The following PCSK5 variants were observed in gnomAD, a reference collection of about 807,000 sequenced individuals.
PCSK5 encodes the protein prohormone convertase 5.
A neutral mutation model predicts 233.2 loss-of-function variants in PCSK5; 129 were observed. The ratio of observed to expected loss-of-function variants is 0.55; its 90% confidence interval spans 0.48 to 0.64. The LOEUF is 0.64. PCSK5 is among the 30% of genes least tolerant of loss of function. PCSK5 has a pLI of 0.00. For synonymous variants in PCSK5, 825 were observed against 879.2 expected, an observed-to-expected ratio of 0.94 and a Z score of 1.09; for missense variants, 2,076 against 2,430.1, an observed-to-expected ratio of 0.85 and a Z score of 3.06.
intron 1 of PCSK5, among the ~76,000 whole-genome samples, chr9:75,928,674 G>A (rs1048513174): frequency 2.6e-4 from 35 of 136,732 alleles, no homozygotes; most frequent in African/African-American, 7.6e-4. Context: ...TGTTTGGTTG[G>A]GGCAGAGTAA....
chr9:76,316,974 G>A (rs1829051447), intron 30 of PCSK5, among the ~76,000 whole-genome samples: 1 of 152,102 alleles, frequency 6.6e-6, no homozygotes, highest in Admixed American at 6.6e-5. Context: ...ACTACTGTGT[G>A]AGAAAGCTCA....
At chr9:75,955,250 C>CATTT (rs1469394427) in intron 2 of PCSK5, among the ~76,000 whole-genome samples, 3 of 152,064 alleles carry the variant, frequency 2.0e-5, no homozygotes, top group Admixed American at 2.0e-4. Flanking sequence ...CTATCTCCTG[C>CATTT]ATTTGTTTTT....
chr9:76,025,175 A>C (rs1012973904), intron 4 of PCSK5, among the ~76,000 whole-genome samples: 3 of 152,160 alleles, frequency 2.0e-5, no homozygotes, highest in African/African-American at 7.2e-5. Context: ...TTTCAGAAAG[A>C]GGAGCCTTTG....
intron 36 of PCSK5, among the ~76,000 whole-genome samples, chr9:76,351,346 C>G (rs1198100081): frequency 6.6e-6 from 1 of 151,612 alleles, no homozygotes; most frequent in Non-Finnish European, 1.5e-5. Flanking sequence ...GCTTCCTTTA[C>G]CACTTTACAG....
chr9:76,282,819 C>T (rs1603199), intron 24 of PCSK5, among the ~76,000 whole-genome samples: 1,681 of 152,132 alleles, frequency 0.011, 31 homozygotes, highest in African/African-American at 0.039. Flanking sequence ...TCTTCATGTC[C>T]ATGGGATTCA....
At chr9:76,095,804 AC>A (rs1831485002) in intron 7 of PCSK5, 85 bp from the exon 8 acceptor site, 1 of 1,158,616 alleles carries the variant, frequency 8.6e-7, no homozygotes, top group Non-Finnish European at 1.3e-6. Context: ...CCCCACCTGC[AC>A]CTACTCAGTT....
chr9:76,344,487 G>A (rs1217184409), intron 35 of PCSK5, among the ~76,000 whole-genome samples: 2 of 152,170 alleles, frequency 1.3e-5, no homozygotes, highest in Non-Finnish European at 2.9e-5. Context: ...TCATTAATCT[G>A]TTATCGCTTT....
At position 76,080,541 on chromosome 9, in the gene PCSK5, T is replaced by G. The variant is rs920559269; in HGVS notation, c.894+8643T>G. 4.6e-5 allele frequency among the ~76,000 whole-genome samples: 7 copies of G among 152,334 alleles called. 1 individual carries two copies. Among genetic ancestry groups the G allele is most frequent in the Admixed American group, 1.3e-4 (2 of 15,302 alleles). Reference sequence around the variant, plus strand: ...GATGCATGTACTGAGATAATTTACTTAAGGATCACACTGGTATTATTTTTG... The same window carrying G: ...GATGCATGTACTGAGATAATTTACTGAAGGATCACACTGGTATTATTTTTG... On this transcript the variant is annotated intron_variant, in intron 7 of 37. Coordinates refer to ENST00000674117, the MANE Select transcript of PCSK5 (RefSeq NM_001372043.1).
chr9:76,102,553 T>A (rs1831807176), intron 8 of PCSK5, among the ~76,000 whole-genome samples: 1 of 152,172 alleles, frequency 6.6e-6, no homozygotes, highest in South Asian at 2.1e-4. Flanking sequence ...CATTTCAAGT[T>A]TTCAGATTAG....
chr9:76,041,215 C>T (rs1280665931), intron 5 of PCSK5, among the ~76,000 whole-genome samples: 1 of 152,146 alleles, frequency 6.6e-6, no homozygotes. Context: ...CAATTGTAAA[C>T]TAGGGCCATA....
chr9:75,949,553 C>T (rs1001624841), intron 2 of PCSK5, among the ~76,000 whole-genome samples: 14 of 151,802 alleles, frequency 9.2e-5, no homozygotes, highest in Admixed American at 2.0e-4. Flanking sequence ...TTTTTTGAGA[C>T]GGAGTCTCAC....
At chr9:76,075,410 G>A (rs2131609805) in intron 7 of PCSK5, among the ~76,000 whole-genome samples, 1 of 152,006 alleles carries the variant, frequency 6.6e-6, no homozygotes, top group Non-Finnish European at 1.5e-5. Context: ...ATCCGTGTTT[G>A]TAGTCCTGAA....
chr9:75,949,564 T>A lies in PCSK5; in HGVS notation c.297+17081T>A, dbSNP rs148408830. Among the ~76,000 whole-genome samples the A allele has an allele frequency of 4.8e-3, 734 of 152,272 alleles. 6 individuals are homozygous for A. Among genetic ancestry groups the A allele is most frequent in the African/African-American group, 0.017 (686 of 41,546 alleles). On this transcript the variant is annotated intron_variant, in intron 2 of 37. Transcript: ENST00000674117. ...TTTATTTTTTGAGACGGAGTCTCAC[T>A]CTTGCCAGGCTGGAGTGCAGTGGCA...
intron 25 of PCSK5, among the ~76,000 whole-genome samples, chr9:76,293,745 G>A (rs898893352): frequency 2.6e-5 from 4 of 152,226 alleles, no homozygotes; most frequent in African/African-American, 4.8e-5. Context: ...ACTCGCTAAT[G>A]AGCATGTTTC....
In PCSK5 at chr9:76,189,156, G is replaced by A. The variant is rs763429672; in HGVS notation, c.2443G>A (p.Val815Met). The A allele has an allele frequency of 4.9e-5, 79 of 1,611,322 alleles. 1 individual carries two copies. Among genetic ancestry groups the A allele is most frequent in the African/African-American group, 6.7e-5 (5 of 74,890 alleles). Residue 815 changes from valine (V) to methionine (M), a missense_variant, in exon 19 of 38, where the codon GTG becomes ATG. Around this residue, in one of 6 missense-constraint regions of PCSK5, gnomAD observed 1,510 missense variants for 1,538.1 expected, o/e 0.98. Transcript: ENST00000674117. The part of the protein sequence containing the change: ...EGYFMEDGRC[V>M]QSCSISYYFD... ...CTACTTCATGGAGGATGGGAGATGC[G>A]TGCAGAGCTGTAGTATCAGCTATTA... is the stretch of plus-strand genomic sequence containing the variant.
intron 2 of PCSK5, among the ~76,000 whole-genome samples, chr9:75,984,144 G>T (rs1826399694): frequency 6.6e-6 from 1 of 152,150 alleles, no homozygotes; most frequent in South Asian, 2.1e-4. Flanking sequence ...ATGCTGTTGG[G>T]TAAGATATTT....
intron 5 of PCSK5, among the ~76,000 whole-genome samples, chr9:76,049,854 T>C (rs1408564714): frequency 6.6e-6 from 1 of 152,202 alleles, no homozygotes. Flanking sequence ...ACTCAATCAT[T>C]AACAGATTTT....
chr9:76,001,941 A>G (rs571958676), intron 3 of PCSK5, among the ~76,000 whole-genome samples: 2 of 152,320 alleles, frequency 1.3e-5, no homozygotes, highest in African/African-American at 4.8e-5. Flanking sequence ...AATTCGTTCT[A>G]TCCTCCCAGG....
In PCSK5 at chr9:76,338,398, A is replaced by G. The variant is rs1829737880; in HGVS notation, c.4917A>G (p.Gln1639=). 1 of 1,612,768 alleles carries G rather than the reference A, an allele frequency of 6.2e-7. No homozygotes were observed. The highest frequency in any genetic ancestry group is 1.1e-5 in the South Asian group (1 of 91,054). Residue 1639 remains glutamine (Q), a synonymous_variant, in exon 35 of 38, where the codon CAA becomes CAG. Transcript: ENST00000674117. ...RSCPDHYYVE[Q]STQTCERCHP... ...GCCCAGACCATTACTATGTAGAGCAAAGCACACAGACCTGTGAGAGATGCC... is the reference window on the plus strand; with the variant it reads ...GCCCAGACCATTACTATGTAGAGCAGAGCACACAGACCTGTGAGAGATGCC...
Sources: gnomAD v4.1 joint callset for allele counts (sites outside exome capture counted in the v4.1 genomes callset) on GRCh38, gnomAD v4.1.1 for gene constraint, gnomAD v4.1.1 regional missense constraint, MANE v1.5 for transcripts, NCBI Gene and HGNC (gene_info 2026-07-23, HGNC 2026-07-21) for gene names.